The following TBC1D5 variants were observed in gnomAD, a reference collection of about 807,000 sequenced individuals.
The protein encoded by TBC1D5 is TBC1 domain family, member 5.
In TBC1D5, 75 loss-of-function variants were observed where a neutral mutation model predicts 100.3. The observed-to-expected ratio is 0.75, with a 90% confidence interval of 0.62 to 0.91. TBC1D5 has a LOEUF of 0.91. TBC1D5 is among the 40% of genes least tolerant of loss of function. The probability of loss-of-function intolerance (pLI) is 0.00; values close to 1 mark genes in which losing one functional copy is unlikely to be tolerated. For synonymous variants in TBC1D5, 323 were observed against 325.6 expected (o/e 0.99, Z 0.09); for missense variants, 910 against 942.4 (o/e 0.97, Z 0.45).
chr3:17,279,935 G>A (rs1214385270), intron 15 of TBC1D5, among the ~76,000 whole-genome samples: 1 of 152,176 alleles, frequency 6.6e-6, no homozygotes, highest in Non-Finnish European at 1.5e-5. Flanking sequence ...CCAGGAGAAT[G>A]GAGGCAATAA....
intron 2 of TBC1D5, among the ~76,000 whole-genome samples, chr3:17,596,700 C>CAAAAAAAAAA (rs34625799): frequency 6.7e-4 from 30 of 44,916 alleles, no homozygotes; most frequent in African/African-American, 1.8e-3. Flanking sequence ...GACTCCATCT[C>CAAAAAAAAAA]AAAAAAAAAA....
At chr3:17,305,375 T>A (rs1451599273) in intron 14 of TBC1D5, among the ~76,000 whole-genome samples, 1 of 152,204 alleles carries the variant, frequency 6.6e-6, no homozygotes, top group African/African-American at 2.4e-5. Flanking sequence ...ATTTTTATGA[T>A]CCTAATGTGA....
chr3:17,244,312 C>CTAT (rs370924060), intron 16 of TBC1D5, among the ~76,000 whole-genome samples: 247 of 152,218 alleles, frequency 1.6e-3, no homozygotes, highest in African/African-American at 5.7e-3. Flanking sequence ...TGGCATCTAT[C>CTAT]GTCACATTTA....
intron 13 of TBC1D5, among the ~76,000 whole-genome samples, chr3:17,361,405 C>T (rs986349246): frequency 4.6e-5 from 7 of 151,798 alleles, no homozygotes; most frequent in East Asian, 1.9e-4. Context: ...AAGACCTAAC[C>T]GACATAATCA....
At chr3:17,546,799 GA>G (rs2096420262) in intron 2 of TBC1D5, among the ~76,000 whole-genome samples, 1 of 148,436 alleles carries the variant, frequency 6.7e-6, no homozygotes, top group Non-Finnish European at 1.5e-5. Context: ...AAAAAAAAAA[GA>G]AAGAAAGAAA....
chr3:17,379,892 C>T (rs1241047989), intron 9 of TBC1D5, among the ~76,000 whole-genome samples: 1 of 151,886 alleles, frequency 6.6e-6, no homozygotes, highest in Non-Finnish European at 1.5e-5. Context: ...CTCTCTCTCT[C>T]AAAATATCTT....
At chr3:17,681,957 G>C (rs2069542118) in intron 1 of TBC1D5, among the ~76,000 whole-genome samples, 1 of 151,490 alleles carries the variant, frequency 6.6e-6, no homozygotes, top group African/African-American at 2.5e-5. Flanking sequence ...GCATGCAAGG[G>C]AGCTAGGTTG....
intron 1 of TBC1D5, among the ~76,000 whole-genome samples, chr3:17,633,376 C>G (rs1452329095): frequency 6.6e-6 from 1 of 151,822 alleles, no homozygotes; most frequent in African/African-American, 2.4e-5. Flanking sequence ...GCAGAGGTTG[C>G]AGTAAGCCGA....
rs36000123 is a variant in TBC1D5 at position 17,703,903 on chromosome 3, G to GT, written c.-101+35439dup. 2.8e-3 allele frequency among the ~76,000 whole-genome samples: 409 copies of GT among 145,154 alleles called. 2 individuals carry two copies. Among genetic ancestry groups the GT allele is most frequent in the South Asian group, 0.014 (67 of 4,648 alleles). ...AAGAATGTACCACATTGATATTTGT[G>GT]TTTTTTTTTTGTTTTTTTTTTTTTA... On this transcript the variant is annotated intron_variant, in intron 1 of 21. Coordinates refer to ENST00000253692, the Ensembl canonical transcript of TBC1D5.
chr3:17,179,270 GTGA>G (rs1333987246), intron 19 of TBC1D5, among the ~76,000 whole-genome samples: 2 of 152,158 alleles, frequency 1.3e-5, no homozygotes, highest in African/African-American at 4.8e-5. Flanking sequence ...AAGCTGTCTG[GTGA>G]TCACATTTTC....
intron 17 of TBC1D5, among the ~76,000 whole-genome samples, chr3:17,235,292 G>C (rs139887249): frequency 1.4e-3 from 217 of 152,290 alleles, no homozygotes; most frequent in African/African-American, 5.1e-3. Flanking sequence ...ACAAGCACAA[G>C]TAATTGAAAG....
At chr3:17,664,605 C>T (rs915444142) in intron 1 of TBC1D5, among the ~76,000 whole-genome samples, 14 of 152,102 alleles carry the variant, frequency 9.2e-5, no homozygotes, top group African/African-American at 1.4e-4. Context: ...AGAGGCAGAG[C>T]GAGACGAAGA....
chr3:17,192,683 A>T lies in TBC1D5; in HGVS notation c.1753-7475T>A, dbSNP rs898874574. On this transcript the variant is annotated intron_variant, in intron 18 of 21. Coordinates refer to ENST00000253692, the Ensembl canonical transcript of TBC1D5. ...CAAGATGTCACATTTATGCTATCCA[A>T]TTATATCATTTCAGAACTGGAAATG... Among the ~76,000 whole-genome samples the T allele has an allele frequency of 2.6e-5, 4 of 152,368 alleles. No homozygotes were observed. The South Asian group carries it at 8.3e-4, about 32-fold the overall frequency.
In TBC1D5 at chr3:17,505,305, A is replaced by G. The variant is rs550292571; in HGVS notation, c.97+3169T>C. Among the ~76,000 whole-genome samples the G allele has an allele frequency of 6.0e-4, 92 of 152,184 alleles. 2 individuals are homozygous for G. The highest frequency in any genetic ancestry group is 3.0e-3 in the Admixed American group (46 of 15,278). ...AGTTCACTTGAGATCTAGTTGCTTA[A>G]GAGTCTGGGGCATCCCACCATCTCT... On this transcript the variant is annotated intron_variant, in intron 3 of 21. Coordinates refer to ENST00000253692, the Ensembl canonical transcript of TBC1D5.
intron 18 of TBC1D5, among the ~76,000 whole-genome samples, chr3:17,210,555 G>C (rs2072855037): frequency 6.6e-6 from 1 of 152,082 alleles, no homozygotes; most frequent in Admixed American, 6.5e-5. Flanking sequence ...GAAGTCTGTA[G>C]CTATTTTAAT....
At chr3:17,742,256 C>A (rs1300037794), upstream of TBC1D5, among the ~76,000 whole-genome samples, 13 of 152,180 alleles carry the variant, frequency 8.5e-5, no homozygotes, top group Non-Finnish European at 1.8e-4. Flanking sequence ...AAACGGGGGG[C>A]GGTGCGGCAA....
intron 18 of TBC1D5, among the ~76,000 whole-genome samples, chr3:17,191,684 T>C (rs1324266981): frequency 2.0e-5 from 3 of 152,174 alleles, no homozygotes; most frequent in Non-Finnish European, 2.9e-5. Context: ...TGGTGTGATC[T>C]TGGCTCACTG....
Position 17,376,480 on chromosome 3 carries a change from G to A in TBC1D5, c.701+45C>T, listed in dbSNP as rs2092712991. ...AGGTTTCAAAAACAAAGGTTACCGTGGGGGCTAAAAAACAAATGGAGCTCA... is the reference window on the plus strand; with the variant it reads ...AGGTTTCAAAAACAAAGGTTACCGTAGGGGCTAAAAAACAAATGGAGCTCA... On this transcript the variant is annotated intron_variant, in intron 10 of 21. Transcript: ENST00000253692. 3.3e-6 allele frequency: 5 copies of A among 1,531,712 alleles called. No individual in the cohort carries two copies. The African/African-American group carries it at 5.6e-5, about 17-fold the overall frequency. The allele number at this position is 1,531,712 out of a possible 1,614,324, so 94.9% of individuals were successfully genotyped here.
At chr3:17,467,561 C>T (rs1448763961) in intron 3 of TBC1D5, among the ~76,000 whole-genome samples, 2 of 151,964 alleles carry the variant, frequency 1.3e-5, no homozygotes, top group East Asian at 1.9e-4. Flanking sequence ...AAAAAAGTTA[C>T]ATTTACTCAA....
Sources: gnomAD v4.1 joint callset for allele counts (sites outside exome capture counted in the v4.1 genomes callset) on GRCh38, gnomAD v4.1.1 for gene constraint, MANE v1.5 for transcripts, NCBI Gene and HGNC (gene_info 2026-07-23, HGNC 2026-07-21) for gene names.